Variants in SYNE2 observed in about 807,000 individuals in gnomAD.
SYNE2 encodes the protein spectrin repeat containing nuclear envelope protein 2, also known as nesprin-2.
Under a neutral mutation model 856.3 loss-of-function variants are expected in SYNE2, and 431 were observed. The ratio of observed to expected loss-of-function variants is 0.50; its 90% CI spans 0.47 to 0.55. The LOEUF (loss-of-function observed/expected upper bound fraction) is 0.55. SYNE2 is among the 20% of genes least tolerant of loss of function. The pLI, the probability that SYNE2 is intolerant of heterozygous loss-of-function variation, is 0.00. For missense variants in SYNE2, 8,129 were observed against 8,023.2 expected (o/e 1.01, Z -0.50); for synonymous variants, 2,923 against 2,872.3 (o/e 1.02, Z -0.56).
At chr14:64,097,476 A>G (rs575145456) in intron 61 of SYNE2, among the ~76,000 whole-genome samples, 8 of 152,376 alleles carry the variant, frequency 5.3e-5, no homozygotes, top group African/African-American at 1.7e-4. Flanking sequence ...ACATGGGAAC[A>G]TGTCTCCTGG....
chr14:64,168,019 G>A (rs557745570), intron 92 of SYNE2, among the ~76,000 whole-genome samples: 1 of 152,130 alleles, frequency 6.6e-6, no homozygotes, highest in Non-Finnish European at 1.5e-5. Flanking sequence ...AATTATAACT[G>A]TAGCGTTAAT....
chr14:64,177,469 A>C lies in SYNE2; in HGVS notation c.17542A>C (p.Lys5848Gln), dbSNP rs1376617157. 1.2e-6 allele frequency: 2 copies of C among 1,614,182 alleles called. No individual in the cohort carries two copies. Among genetic ancestry groups the C allele is most frequent in the South Asian group, 2.2e-5 (2 of 91,090 alleles). ...PELHEDLHNEKELIKELEQSL... is the reference protein window; with the variant it reads ...PELHEDLHNEQELIKELEQSL... The stretch of plus-strand genomic sequence containing the variant: ...GCTTCACGAGGACCTCCATAACGAA[A>C]AAGAGCTGATTAAGGTATTGAAATC... Residue 5848 changes from lysine (K) to glutamine (Q), a missense_variant, in exon 96 of 116, where the codon AAA becomes CAA. Transcript: ENST00000555002.
chr14:64,080,044 CGTGTGT>C (rs112076744), intron 55 of SYNE2, among the ~76,000 whole-genome samples: 6 of 150,406 alleles, frequency 4.0e-5, no homozygotes, highest in Admixed American at 2.6e-4. Context: ...ATTAAGAGAG[CGTGTGT>C]GTGTGTGTGT....
chr14:63,847,585 A>ATTTTTTTTTTT (rs1194475873), intron 1 of SYNE2, among the ~76,000 whole-genome samples: 1 of 137,596 alleles, frequency 7.3e-6, no homozygotes, highest in African/African-American at 2.7e-5. Flanking sequence ...TATGTTCTGT[A>ATTTTTTTTTTT]TTTTTTTTTT....
At chr14:63,790,959 C>A (rs1887709107) in intron 1 of SYNE2, among the ~76,000 whole-genome samples, 1 of 151,426 alleles carries the variant, frequency 6.6e-6, no homozygotes, top group Non-Finnish European at 1.5e-5. Flanking sequence ...TTATAGCTAC[C>A]AGAAGAATTT....
chr14:63,910,803 C>G (rs951067717), intron 2 of SYNE2, among the ~76,000 whole-genome samples: 3 of 152,196 alleles, frequency 2.0e-5, no homozygotes, highest in African/African-American at 7.2e-5. Context: ...GTGCCTAACA[C>G]AGACTAGGGA....
intron 23 of SYNE2, among the ~76,000 whole-genome samples, chr14:63,995,434 T>C (rs2153493001): frequency 6.6e-6 from 1 of 152,284 alleles, no homozygotes; most frequent in South Asian, 2.1e-4. Context: ...CCTTGATGTG[T>C]CTCAGTGGCC....
intron 39 of SYNE2, 78 bp from the exon 40 acceptor site, chr14:64,024,834 A>G (rs1247779785): frequency 1.5e-5 from 23 of 1,486,674 alleles, no homozygotes; most frequent in Non-Finnish European, 2.1e-5. Context: ...GTTGAGTCAC[A>G]AGGTTTGTGC....
chr14:64,052,184 C>G lies in SYNE2; in HGVS notation c.8271C>G (p.Leu2757=). 2 of 1,614,158 alleles carry G rather than the reference C, an allele frequency of 1.2e-6. No individual in the cohort carries two copies. The highest frequency in any genetic ancestry group is 1.7e-6 in the Non-Finnish European group (2 of 1,180,034). The part of the protein sequence containing the change: ...LGELNPSIPL[L]PDDILSQIRK... ...AACTTAATCCCTCCATTCCCCTTCTCCCAGATGACATTCTTTCACAGATCA... is the reference window on the plus strand; with the variant it reads ...AACTTAATCCCTCCATTCCCCTTCTGCCAGATGACATTCTTTCACAGATCA... The change falls in exon 48 of 116, where the codon CTC becomes CTG. Residue 2757 remains leucine (L), a synonymous_variant. Coordinates refer to ENST00000555002, the MANE Select transcript of SYNE2 (RefSeq NM_182914.3).
intron 99 of SYNE2, among the ~76,000 whole-genome samples, chr14:64,192,833 C>G (rs186733671): frequency 6.6e-6 from 1 of 152,140 alleles, no homozygotes; most frequent in Non-Finnish European, 1.5e-5. Context: ...ATGAGCAGTA[C>G]GTGCTGAGTG....
At chr14:63,805,715 AG>A (rs1438563409) in intron 1 of SYNE2, among the ~76,000 whole-genome samples, 1 of 152,044 alleles carries the variant, frequency 6.6e-6, no homozygotes, top group Non-Finnish European at 1.5e-5. Context: ...CTGAATTCCT[AG>A]GTATTTTGTA....
chr14:63,939,061 G>A (rs1420421383), intron 2 of SYNE2, among the ~76,000 whole-genome samples: 1 of 152,232 alleles, frequency 6.6e-6, no homozygotes, highest in Non-Finnish European at 1.5e-5. Context: ...ACTGGAGGTT[G>A]ATGGTGGCAA....
intron 96 of SYNE2, among the ~76,000 whole-genome samples, chr14:64,183,012 G>C (rs563393429): frequency 2.0e-5 from 2 of 101,310 alleles, no homozygotes; most frequent in Non-Finnish European, 1.8e-5. Context: ...CTGGCCAGGC[G>C]GGGGCTGCCC....
chr14:64,162,502 G>T, intron 88 of SYNE2: 4 of 581,216 alleles, frequency 6.9e-6, no homozygotes, highest in Non-Finnish European at 1.2e-5. Flanking sequence ...ATATCACCTC[G>T]TTCCAAGTCT....
At chr14:64,006,959 G>A (rs1395478180) in intron 30 of SYNE2, 84 bp from the exon 31 acceptor site, 1 of 1,080,258 alleles carries the variant, frequency 9.3e-7, no homozygotes, top group African/African-American at 1.6e-5. Context: ...ATTAAAGTTA[G>A]TGTGCCTCCC....
chr14:64,174,062 T>C, intron 94 of SYNE2: 2 of 538,834 alleles, frequency 3.7e-6, no homozygotes, highest in Non-Finnish European at 6.5e-6. Flanking sequence ...AGACCTTGTC[T>C]CTTAAATTTT....
intron 65 of SYNE2, among the ~76,000 whole-genome samples, chr14:64,111,337 T>C (rs1370573411): frequency 6.6e-6 from 1 of 152,180 alleles, no homozygotes; most frequent in East Asian, 1.9e-4. Context: ...TAATAGATTG[T>C]TCTCTCAAGT....
chr14:63,809,163 T>G (rs1028602928), intron 1 of SYNE2, among the ~76,000 whole-genome samples: 1 of 152,158 alleles, frequency 6.6e-6, no homozygotes, highest in Admixed American at 6.6e-5. Flanking sequence ...TATTTTATTT[T>G]TTTTGCTTAC....
rs772471402 is a variant in SYNE2, at chr14:64,052,209, A to G, written c.8296A>G (p.Arg2766Gly). The G allele has an allele frequency of 1.2e-6, 2 of 1,614,076 alleles. No individual in the cohort carries two copies. Among genetic ancestry groups the G allele is most frequent in the African/African-American group, 2.7e-5 (2 of 74,920 alleles). ...LLPDDILSQIRKCKVTHDGIL... is the reference protein window; with the variant it reads ...LLPDDILSQIGKCKVTHDGIL... ...CCCAGATGACATTCTTTCACAGATC[A>G]GAAAGTGCAAAGTGACACATGATGG... The change falls in exon 48 of 116, where the codon AGA (arginine) becomes GGA (glycine). Residue 2766 changes from arginine to glycine, a missense_variant. Physicochemically the swap from Arg to Gly is moderately radical, Grantham distance 125 (BLOSUM62 -2). Coordinates refer to ENST00000555002, the MANE Select transcript of SYNE2 (RefSeq NM_182914.3).
Sources: gnomAD v4.1 joint callset for allele counts (sites outside exome capture counted in the v4.1 genomes callset) on GRCh38, gnomAD v4.1.1 for gene constraint, MANE v1.5 for transcripts, NCBI Gene and HGNC (gene_info 2026-07-23, HGNC 2026-07-21) for gene names.